AKR1B15: variants seen among roughly 807,000 people sequenced by gnomAD.
AKR1B15 encodes estradiol 17-beta-dehydrogenase AKR1B15.
Under a neutral mutation model 38.5 loss-of-function variants are expected in AKR1B15, and 49 were observed. The ratio of observed to expected loss-of-function variants is 1.27; its 90% confidence interval spans 1.01 to 1.62. AKR1B15 has a LOEUF of 1.62. AKR1B15 is among the 40% of genes most tolerant of loss of function. AKR1B15 has a pLI of 0.00. For missense variants in AKR1B15, 411 were observed against 381.6 expected (o/e 1.08, Z -0.64); for synonymous variants, 137 against 135.5 (o/e 1.01, Z -0.08).
intron 5 of AKR1B15, among the ~76,000 whole-genome samples, chr7:134,571,388 A>G (rs1794663849): frequency 6.6e-6 from 1 of 152,244 alleles, no homozygotes; most frequent in Non-Finnish European, 1.5e-5. Flanking sequence ...AGGATCTTAA[A>G]GTCAATCCAG....
At chr7:134,576,033 G>A in intron 8 of AKR1B15, 106 bp downstream of exon 8, 1 of 1,498,872 alleles carries the variant, frequency 6.7e-7, no homozygotes, top group South Asian at 1.3e-5. Context: ...AGAAAAATGT[G>A]TGTAAGGTAA....
intron 2 of AKR1B15, among the ~76,000 whole-genome samples, chr7:134,562,832 C>CTCTTTCTTTCTCTTTCTTTCTTTCTT (rs1794436824): frequency 8.2e-6 from 1 of 122,694 alleles, no homozygotes; most frequent in South Asian, 3.1e-4. Context: ...TCCTTCCTTT[C>CTCTTTCTTTCTCTTTCTTTCTTTCTT]TCTTTCTTTC....
chr7:134,555,044 A>C (rs1408661276), intron 1 of AKR1B15, among the ~76,000 whole-genome samples: 1 of 152,224 alleles, frequency 6.6e-6, no homozygotes, highest in African/African-American at 2.4e-5. Context: ...TCTTAGAGTA[A>C]GATGCACCCC....
At chr7:134,556,158 G>C (rs760645589) in intron 1 of AKR1B15, among the ~76,000 whole-genome samples, 1 of 152,134 alleles carries the variant, frequency 6.6e-6, no homozygotes, top group Non-Finnish European at 1.5e-5. Context: ...AACTTTAACT[G>C]ATTTAGGTGA....
At chr7:134,562,717 A>G (rs1026364610) in intron 2 of AKR1B15, among the ~76,000 whole-genome samples, 2 of 151,764 alleles carry the variant, frequency 1.3e-5, no homozygotes, top group Non-Finnish European at 2.9e-5. Flanking sequence ...TCACCACCAC[A>G]CCTACCTAAT....
intron 1 of AKR1B15, among the ~76,000 whole-genome samples, chr7:134,556,196 A>T (rs1311531383): frequency 6.6e-6 from 1 of 152,152 alleles, no homozygotes; most frequent in Non-Finnish European, 1.5e-5. Context: ...ACCCAGAGAG[A>T]GTCGATTTAA....
chr7:134,575,399 A>T (rs1794745348), intron 6 of AKR1B15, 21 bp from the exon 7 acceptor site: 8 of 1,613,286 alleles, frequency 5.0e-6, no homozygotes, highest in Middle Eastern at 1.7e-4. Flanking sequence ...GCTGCCCATA[A>T]GGTATTCCTT....
intron 1 of AKR1B15, among the ~76,000 whole-genome samples, chr7:134,550,970 G>A (rs1793949301): frequency 6.6e-6 from 1 of 152,270 alleles, no homozygotes; most frequent in Non-Finnish European, 1.5e-5. Flanking sequence ...ATTGATCAAT[G>A]GCTAGATTTA....
rs780051240 is a variant in AKR1B15 at position 134,575,976 on chromosome 7, T to A, written c.743+49T>A. ...TTTCTCTTGATAATCTTAAAAACAT[T>A]ATTTTATAATTGGTAAATGTCGGTA... On this transcript the variant is annotated intron_variant, in intron 8 of 11. Transcript: ENST00000457545. 31 of 1,591,506 alleles carry A rather than the reference T, an allele frequency of 1.9e-5. No individual in the cohort carries two copies. In the South Asian group the frequency reaches 3.2e-4, roughly 16 times the overall value.
chr7:134,566,013 G>T (rs1190436554), intron 3 of AKR1B15, among the ~76,000 whole-genome samples: 2 of 152,192 alleles, frequency 1.3e-5, no homozygotes, highest in Non-Finnish European at 2.9e-5. Context: ...TGCAGAACTG[G>T]CTGGGTGTGG....
rs79024112 is a variant in AKR1B15, at chr7:134,568,167, G to A, written c.160G>A (p.Gly54Ser). ...LLRPYPASLL[G>S]KVKEAVKVAI... The stretch of plus-strand genomic sequence containing the variant: ...TTCTTTTGCTTTTCAGTCTCTTCTC[G>A]GCAAAGTGAAAGAAGCGGTGAAGGT... The change falls in exon 4 of 12, where the codon GGC becomes AGC. Residue 54 changes from glycine to serine, a missense_variant. Gly to Ser is a moderately conservative substitution (Grantham distance 56, BLOSUM62 0). Transcript: ENST00000457545. The A allele has an allele frequency of 9.2e-4, 1,477 of 1,613,906 alleles. 18 individuals carry two copies. In the African/African-American group the frequency reaches 0.017, roughly 19 times the overall value.
At position 134,564,494 on chromosome 7, in the gene AKR1B15, G is replaced by A. The variant is rs1794488543; in HGVS notation, c.-22-104G>A. ...TTCTTACACCAACCTCTGGAGTTGG[G>A]CGACATGGCTTCTCCCCTTTCTAGG... On this transcript the variant is annotated intron_variant, in intron 2 of 11. Coordinates refer to ENST00000457545, the MANE Select transcript of AKR1B15 (RefSeq NM_001080538.3). 4 of 509,604 alleles carry A rather than the reference G, an allele frequency of 7.8e-6. No individual in the cohort carries two copies. The South Asian group carries it at 1.2e-4, about 15-fold the overall frequency. 31.6% of individuals were successfully genotyped at this position (509,604 alleles called of 1,614,324 possible). A position where few individuals can be genotyped will look rare whatever the true frequency, so the allele number is the denominator to read the frequency against.
intron 6 of AKR1B15, among the ~76,000 whole-genome samples, chr7:134,573,893 A>G (rs996688923): frequency 2.6e-5 from 4 of 152,110 alleles, no homozygotes; most frequent in Non-Finnish European, 5.9e-5. Context: ...GAAATCCAGG[A>G]ATCAGTCATT....
intron 6 of AKR1B15, chr7:134,573,265 A>C: frequency 2.1e-5 from 12 of 571,386 alleles, no homozygotes; most frequent in Non-Finnish European, 2.7e-5. Flanking sequence ...TCCTGACCTC[A>C]AGGGATCCAC....
At chr7:134,579,048 T>C (rs1794824223) in intron 11 of AKR1B15, among the ~76,000 whole-genome samples, 1 of 152,228 alleles carries the variant, frequency 6.6e-6, no homozygotes, top group South Asian at 2.1e-4. Flanking sequence ...TTGGTTTCTT[T>C]ACCTATAAAG....
At chr7:134,562,800 T>C (rs1794433040) in intron 2 of AKR1B15, among the ~76,000 whole-genome samples, 1 of 151,764 alleles carries the variant, frequency 6.6e-6, no homozygotes, top group South Asian at 2.1e-4. Context: ...CTTTTCTTTC[T>C]TTCCTTCCTT....
At chr7:134,558,714 G>A (rs978060471) in intron 2 of AKR1B15, among the ~76,000 whole-genome samples, 1 of 152,154 alleles carries the variant, frequency 6.6e-6, no homozygotes, top group African/African-American at 2.4e-5. Context: ...AACGCTCTAT[G>A]GAATGCCCTA....
Position 134,568,147 on chromosome 7 carries a change from T to C in AKR1B15, c.151-11T>C, listed in dbSNP as rs1363790720. 6.2e-7 allele frequency: 1 copy of C among 1,613,962 alleles called. No individual in the cohort carries two copies. The highest frequency in any genetic ancestry group is 8.5e-7 in the Non-Finnish European group (1 of 1,179,946). Reference sequence around the variant, plus strand: ...AATACATGTGTGATGGGCTTTTCTTTTGCTTTTCAGTCTCTTCTCGGCAAA... The same window carrying C: ...AATACATGTGTGATGGGCTTTTCTTCTGCTTTTCAGTCTCTTCTCGGCAAA... On this transcript the variant is annotated splice_polypyrimidine_tract_variant and intron_variant, in intron 3 of 11. Coordinates refer to ENST00000457545, the MANE Select transcript of AKR1B15 (RefSeq NM_001080538.3).
intron 3 of AKR1B15, 30 bp downstream of exon 3, chr7:134,564,799 T>G: frequency 1.6e-6 from 1 of 630,884 alleles, no homozygotes; most frequent in Non-Finnish European, 2.9e-6. Context: ...ATCACCCAAT[T>G]CCCAACAGCA....
Sources: gnomAD v4.1 joint callset for allele counts (sites outside exome capture counted in the v4.1 genomes callset) on GRCh38, gnomAD v4.1.1 for gene constraint, MANE v1.5 for transcripts, NCBI Gene and HGNC (gene_info 2026-07-23, HGNC 2026-07-21) for gene names.